The following NARS1 variants were observed in gnomAD, a reference collection of about 807,000 sequenced individuals.
NARS1 encodes asparaginyl-tRNA synthetase 1.
A neutral mutation model predicts 79.2 loss-of-function variants in NARS1; 65 were observed. That is an observed-to-expected ratio of 0.82 (90% CI 0.67 to 1.01). The LOEUF (loss-of-function observed/expected upper bound fraction) is 1.01, where lower values mean the gene tolerates loss of function less well. Among genes scored for constraint, NARS1 ranks in the 50% least tolerant of loss-of-function variants. The probability of loss-of-function intolerance (pLI) is 0.00; values close to 1 mark genes in which losing one functional copy is unlikely to be tolerated. For missense variants in NARS1, 649 were observed against 673.8 expected (o/e 0.96, Z 0.41); for synonymous variants, 229 against 238.8 (o/e 0.96, Z 0.38).
At position 57,601,204 on chromosome 18, in the gene NARS1, C is replaced by T. The variant is rs1245264856; in HGVS notation, c.*448G>A. 6.5e-6 allele frequency: 1 copy of T among 153,944 alleles called. No homozygotes were observed. Among genetic ancestry groups the T allele is most frequent in the East Asian group, 1.9e-4 (1 of 5,254 alleles). The allele number at this position is 153,944 out of a possible 1,614,324, so 9.5% of individuals were successfully genotyped here. On this transcript the variant is annotated 3_prime_UTR_variant, in exon 14 of 14. Coordinates refer to ENST00000256854, the MANE Select transcript of NARS1 (RefSeq NM_004539.4). ...ATACGATATTGCCAATTTCTTCCCC[C>T]AAGATTTTTGTTTTAATTCATTGAT...
chr18:57,602,621 G>A (rs2051518561), intron 12 of NARS1, 135 bp from the exon 13 acceptor site: 2 of 1,239,744 alleles, frequency 1.6e-6, no homozygotes, highest in Non-Finnish European at 2.2e-6. Context: ...ATATTCAAAT[G>A]TTTACATTTC....
At chr18:57,621,563 T>TTC in intron 1 of NARS1, 145 bp downstream of exon 1, 1 of 300,806 alleles carries the variant, frequency 3.3e-6, no homozygotes, top group Non-Finnish European at 6.8e-6. Context: ...GCCAGCACCC[T>TTC]CCCTCCCTCC....
At chr18:57,617,243 G>A (rs1366927273) in intron 2 of NARS1, among the ~76,000 whole-genome samples, 3 of 152,064 alleles carry the variant, frequency 2.0e-5, no homozygotes, top group African/African-American at 4.8e-5. Flanking sequence ...CTGCAAAAAC[G>A]GACTTTTTCT....
chr18:57,618,361 AG>A (rs1386070302), intron 2 of NARS1, among the ~76,000 whole-genome samples: 1 of 151,932 alleles, frequency 6.6e-6, no homozygotes, highest in African/African-American at 2.4e-5. Flanking sequence ...GAATACATGT[AG>A]GTCGTTCGGA....
intron 4 of NARS1, among the ~76,000 whole-genome samples, 160 bp downstream of exon 4, chr18:57,615,481 G>A (rs1189128430): frequency 2.6e-5 from 4 of 152,030 alleles, no homozygotes; most frequent in East Asian, 3.9e-4. Flanking sequence ...CAGCCTGGGC[G>A]ACAGAGCAAG....
intron 4 of NARS1, among the ~76,000 whole-genome samples, chr18:57,614,808 T>C (rs317820): frequency 0.96 from 145,949 of 152,304 alleles, 70,250 homozygotes; most frequent in East Asian, 1. Context: ...TGCATTTACT[T>C]AACTGTGTAA....
intron 2 of NARS1, among the ~76,000 whole-genome samples, chr18:57,617,808 G>C (rs527725049): frequency 6.8e-6 from 1 of 147,252 alleles, no homozygotes; most frequent in African/African-American, 2.5e-5. Context: ...CCAGCTACTC[G>C]GGAGGCTGAG....
intron 6 of NARS1, 94 bp from the exon 7 acceptor site, chr18:57,609,537 T>A: frequency 1.1e-6 from 1 of 913,482 alleles, no homozygotes; most frequent in African/African-American, 1.6e-5. Context: ...AAACAAGTTA[T>A]CTGATCAAAT....
Position 57,615,715 on chromosome 18 carries a change from G to A in NARS1, c.268C>T (p.Arg90Ter), listed in dbSNP as rs762348339. 25 of 1,612,562 alleles carry A rather than the reference G, an allele frequency of 1.6e-5. No individual in the cohort carries two copies. Among genetic ancestry groups the A allele is most frequent in the Non-Finnish European group, 2.0e-5 (24 of 1,179,580 alleles). ...GCTTCTTCCAGGTTCTTTTCTCTTC[G>A]TAAACTATCTTCTGCCTAATTTTAA... ...REKKEAEDSL[R>*]REKNLEEAKK... Residue 90 changes from arginine to a stop codon, truncating the protein, a stop_gained, in exon 4 of 14, where the codon CGA becomes TGA. Coordinates refer to ENST00000256854, the MANE Select transcript of NARS1 (RefSeq NM_004539.4). LOFTEE classifies it high-confidence loss of function.
intron 2 of NARS1, among the ~76,000 whole-genome samples, chr18:57,616,658 A>G (rs1908041447): frequency 6.6e-6 from 1 of 152,142 alleles, no homozygotes; most frequent in South Asian, 2.1e-4. Flanking sequence ...TCTGTGAGAA[A>G]TCAGAGAAGT....
At position 57,601,346 on chromosome 18, in the gene NARS1, A is replaced by T. The variant is rs986174680; in HGVS notation, c.*306T>A. On this transcript the variant is annotated 3_prime_UTR_variant, in exon 14 of 14. Coordinates refer to ENST00000256854, the MANE Select transcript of NARS1 (RefSeq NM_004539.4). ...AATTATACATACATATAACTTGAAT[A>T]AAATGAATAACTTGGATAAAGTGAG... 1.3e-4 allele frequency: 27 copies of T among 212,950 alleles called. No individual in the cohort carries two copies. Among genetic ancestry groups the T allele is most frequent in the Admixed American group, 2.1e-4 (4 of 19,184 alleles). 13.2% of individuals were successfully genotyped at this position (212,950 alleles called of 1,614,324 possible). A position where few individuals can be genotyped will look rare whatever the true frequency, so the allele number is the denominator to read the frequency against.
At chr18:57,615,162 T>G (rs929821584) in intron 4 of NARS1, among the ~76,000 whole-genome samples, 4 of 146,808 alleles carry the variant, frequency 2.7e-5, no homozygotes, top group African/African-American at 5.1e-5. Context: ...AGCAAGACCC[T>G]GTCTCAAAAT....
chr18:57,615,511 T>G, intron 4 of NARS1, 130 bp downstream of exon 4: 1 of 637,056 alleles, frequency 1.6e-6, no homozygotes, highest in Admixed American at 3.2e-5. Flanking sequence ...CAAAAATAAA[T>G]AAATAAATAA....
rs1568165571 is a variant in NARS1, at chr18:57,613,588, G to A, written c.421+14C>T. 2 of 1,603,032 alleles carry A rather than the reference G, an allele frequency of 1.2e-6. No individual in the cohort carries two copies. The highest frequency in any genetic ancestry group is 1.7e-6 in the Non-Finnish European group (2 of 1,172,116). ...ATTTAAACATTAAAAAGAAGGAAAAGCTTTGCCATTTACCTTGCCTGCGCA... is the reference window on the plus strand; with the variant it reads ...ATTTAAACATTAAAAAGAAGGAAAAACTTTGCCATTTACCTTGCCTGCGCA... On this transcript the variant is annotated intron_variant, in intron 5 of 13. Transcript: ENST00000256854.
rs1396950570 is a variant in NARS1 at position 57,605,629 on chromosome 18, G to GA, written c.1251+227dup. On this transcript the variant is annotated intron_variant, in intron 11 of 13. Coordinates refer to ENST00000256854, the MANE Select transcript of NARS1 (RefSeq NM_004539.4). ...CCGTCTCAAAAAAAAAAAAAAAAAA[G>GA]AAAAAAAAAGAAACTCACTTACGCT... Among the ~76,000 whole-genome samples, 131 of 131,396 alleles carry GA rather than the reference G, an allele frequency of 1.0e-3. 2 individuals are homozygous for GA. Among genetic ancestry groups the GA allele is most frequent in the African/African-American group, 3.8e-3 (129 of 34,298 alleles). The allele number at this position is 131,396 out of a possible 152,430, so 86.2% of individuals were successfully genotyped here.
At chr18:57,609,525 A>T in intron 6 of NARS1, 82 bp from the exon 7 acceptor site, 1 of 1,101,942 alleles carries the variant, frequency 9.1e-7, no homozygotes, top group Non-Finnish European at 1.4e-6. Context: ...GGGATTGTTT[A>T]CAAACAAGTT....
intron 9 of NARS1, 97 bp from the exon 10 acceptor site, chr18:57,606,848 A>T (rs961268885): frequency 6.6e-7 from 1 of 1,511,196 alleles, no homozygotes; most frequent in African/African-American, 1.4e-5. Context: ...ATAAAATGCC[A>T]ACAATGCTAC....
At chr18:57,611,577 CAAT>C in intron 6 of NARS1, 57 bp downstream of exon 6, 2 of 1,140,924 alleles carry the variant, frequency 1.8e-6, no homozygotes, top group South Asian at 2.9e-5. Context: ...GTATACAAAA[CAAT>C]AAAGGAATCT....
chr18:57,613,965 T>C (rs1394090403), intron 4 of NARS1, among the ~76,000 whole-genome samples: 1 of 152,156 alleles, frequency 6.6e-6, no homozygotes, highest in Admixed American at 6.5e-5. Flanking sequence ...AATAAATGAA[T>C]TCCTTTGTCA....
Sources: allele counts gnomAD v4.1 joint callset (sites outside exome capture counted in the v4.1 genomes callset), GRCh38; gene constraint gnomAD v4.1.1; transcripts MANE v1.5; gene names NCBI Gene and HGNC (gene_info 2026-07-23, HGNC 2026-07-21).